Variants in BRCA2 observed in about 807,000 individuals in gnomAD.
The protein encoded by BRCA2 is breast cancer type 2 susceptibility protein.
Under a neutral mutation model 276.7 loss-of-function variants are expected in BRCA2, and 203 were observed. That is an observed-to-expected ratio of 0.73 (90% confidence interval 0.65 to 0.82). The LOEUF (loss-of-function observed/expected upper bound fraction) is 0.82. Ranked by LOEUF, BRCA2 falls within the 40% of genes least tolerant of loss-of-function variation. BRCA2 has a pLI of 0.00. For synonymous variants in BRCA2, 1,289 were observed against 1,338.4 expected (o/e 0.96, Z 0.81); for missense variants, 3,920 against 3,915.0 (o/e 1.00, Z -0.03).
intron 8 of BRCA2, 90 bp from the exon 9 acceptor site, chr13:32,330,829 C>G (rs1028898625): frequency 1.1e-5 from 9 of 826,972 alleles, no homozygotes; most frequent in Non-Finnish European, 1.6e-5. Flanking sequence ...ACTGAAATCA[C>G]CAAAAGTGAA....
chr13:32,363,434 A>G lies in BRCA2; in HGVS notation c.8232A>G (p.Arg2744=). The G allele has an allele frequency of 6.2e-7, 1 of 1,614,186 alleles. No individual in the cohort carries two copies. Among genetic ancestry groups the G allele is most frequent in the Non-Finnish European group, 8.5e-7 (1 of 1,180,024 alleles). ...TCTTAGCTGTCTTAAAGAATGGCAG[A>G]CTGACAGTTGGTCAGAAGATTATTC... ...PPLLAVLKNG[R]LTVGQKIILH... The change falls in exon 18 of 27, where the codon AGA becomes AGG. Residue 2744 remains arginine, a synonymous_variant. Transcript: ENST00000380152.
At position 32,325,548 on chromosome 13, in the gene BRCA2, G is replaced by T. The variant is rs201799414; in HGVS notation, c.425+364G>T. The stretch of plus-strand genomic sequence containing the variant: ...GATTTACTTTACAAATTTTTTTTTT[G>T]TTTTTTTTTTTTTTGAGATGGAGTC... On this transcript the variant is annotated intron_variant, in intron 4 of 26. Coordinates refer to ENST00000380152, the MANE Select transcript of BRCA2 (RefSeq NM_000059.4). Among the ~76,000 whole-genome samples the T allele has an allele frequency of 4.7e-3, 632 of 135,890 alleles. 1 individual carries two copies. Among genetic ancestry groups the T allele is most frequent in the Non-Finnish European group, 6.5e-3 (406 of 62,296 alleles). The allele number at this position is 135,890 out of a possible 152,430, so 89.1% of individuals were successfully genotyped here.
At position 32,374,128 on chromosome 13, in the gene BRCA2, A is replaced by G. The variant is rs11571753; in HGVS notation, c.8633-2542A>G. Among the ~76,000 whole-genome samples the G allele has an allele frequency of 7.2e-3, 1,099 of 152,354 alleles. 16 individuals are homozygous for G. Among genetic ancestry groups the G allele is most frequent in the African/African-American group, 0.025 (1,043 of 41,590 alleles). ...TGGAGCAAGTGGGACACAGGTTGCC[A>G]TGTCCCATGGCTGCACAGAGCAGTG... On this transcript the variant is annotated intron_variant, in intron 20 of 26. Coordinates refer to ENST00000380152, the MANE Select transcript of BRCA2 (RefSeq NM_000059.4).
chr13:32,396,489 G>A (rs1030067107), intron 25 of BRCA2, among the ~76,000 whole-genome samples: 2 of 152,208 alleles, frequency 1.3e-5, no homozygotes, highest in African/African-American at 4.8e-5. Flanking sequence ...ACGTGAGGTA[G>A]GTGAGGCAAT....
At chr13:32,325,676 G>T (rs1242866437) in intron 4 of BRCA2, among the ~76,000 whole-genome samples, 2 of 151,850 alleles carry the variant, frequency 1.3e-5, no homozygotes, top group Non-Finnish European at 2.9e-5. Context: ...AAGTAGCTGG[G>T]ACTACAGGCG....
rs80358888 is a variant in BRCA2 at position 32,340,923 on chromosome 13, G to T, written c.6568G>T (p.Val2190Leu). 5 of 1,610,068 alleles carry T rather than the reference G, an allele frequency of 3.1e-6. No homozygotes were observed. The highest frequency in any genetic ancestry group is 2.7e-5 in the African/African-American group (2 of 74,602). Residue 2190 changes from valine (V) to leucine (L), a missense_variant, in exon 11 of 27, where the codon GTA becomes TTA. This residue lies in a region of BRCA2 where 3,263 missense variants were observed against 3,156.9 expected (regional missense o/e 1.03). Coordinates refer to ENST00000380152, the MANE Select transcript of BRCA2 (RefSeq NM_000059.4). ...LGKEQASPKN[V>L]KMEIGKTETF... ...AAAAGAACAGGCTTCACCTAAAAAC[G>T]TAAAAATGGAAATTGGTAAAACTGA...
rs2072463871 is a variant in BRCA2 at position 32,337,102 on chromosome 13, G to A, written c.2747G>A (p.Cys916Tyr). 1 of 1,613,708 alleles carries A rather than the reference G, an allele frequency of 6.2e-7. No individual in the cohort carries two copies. Residue 916 changes from cysteine (C) to tyrosine (Y), a missense_variant, in exon 11 of 27, where the codon TGT (cysteine) becomes TAT (tyrosine). Cys to Tyr is a radical substitution (Grantham distance 194). Transcript: ENST00000380152. ...TKELHETDLT[C>Y]VNEPIFKNST... ...GAACTTCATGAAACAGACTTGACTT[G>A]TGTAAACGAACCCATTTTCAAGAAC...
At chr13:32,348,842 A>G (rs557700737) in intron 13 of BRCA2, among the ~76,000 whole-genome samples, 38 of 152,222 alleles carry the variant, frequency 2.5e-4, no homozygotes, top group Admixed American at 5.9e-4. Flanking sequence ...ACTGAAGAAG[A>G]TAAGAGACTT....
chr13:32,390,317 C>T (rs1252596157), intron 24 of BRCA2, among the ~76,000 whole-genome samples: 1 of 152,058 alleles, frequency 6.6e-6, no homozygotes, highest in African/African-American at 2.4e-5. Context: ...TTAGGCTGGG[C>T]GCAGTAGCTA....
chr13:32,340,279 G>C lies in BRCA2; in HGVS notation c.5924G>C (p.Cys1975Ser), dbSNP rs767378196. 1 of 1,614,000 alleles carries C rather than the reference G, an allele frequency of 6.2e-7. No homozygotes were observed. The highest frequency in any genetic ancestry group is 8.5e-7 in the Non-Finnish European group (1 of 1,179,908). ...AAGTCAGTCTCATCTGCAAATACTT[G>C]TGGGATTTTTAGCACAGCAAGTGGA... The part of the protein sequence containing the change: ...LHKSVSSANT[C>S]GIFSTASGKS... Residue 1975 changes from cysteine (C) to serine (S), a missense_variant, in exon 11 of 27, where the codon TGT becomes TCT. This residue lies in a region of BRCA2 where 3,263 missense variants were observed against 3,156.9 expected (regional missense o/e 1.03). Coordinates refer to ENST00000380152, the MANE Select transcript of BRCA2 (RefSeq NM_000059.4).
At position 32,337,222 on chromosome 13, in the gene BRCA2, A is replaced by G. The variant is rs761350030; in HGVS notation, c.2867A>G (p.Lys956Arg). 1 of 1,613,042 alleles carries G rather than the reference A, an allele frequency of 6.2e-7. No individual in the cohort carries two copies. The highest frequency in any genetic ancestry group is 1.1e-5 in the South Asian group (1 of 90,774). ...GTTTATGTTCTTGCAGAGGAGAACAAAAATAGTGTAAAGCAGCATATAAAA... is the reference window on the plus strand; with the variant it reads ...GTTTATGTTCTTGCAGAGGAGAACAGAAATAGTGTAAAGCAGCATATAAAA... ...DLVYVLAEEN[K>R]NSVKQHIKMT... The change falls in exon 11 of 27, where the codon AAA becomes AGA. Residue 956 changes from lysine (K) to arginine (R), a missense_variant. Physicochemically the swap from Lys to Arg is conservative, Grantham distance 26. This residue lies in a region of BRCA2 where 3,263 missense variants were observed against 3,156.9 expected (regional missense o/e 1.03). Coordinates refer to ENST00000380152, the MANE Select transcript of BRCA2 (RefSeq NM_000059.4).
intron 3 of BRCA2, 93 bp downstream of exon 3, chr13:32,319,418 C>T: frequency 7.8e-7 from 1 of 1,283,328 alleles, no homozygotes; most frequent in Non-Finnish European, 1.1e-6. Flanking sequence ...TTAATTGTGT[C>T]ATGCTGGGCA....
rs2137481575 is a variant in BRCA2, at chr13:32,336,239, T to C, written c.1910-26T>C. 8 of 1,588,274 alleles carry C rather than the reference T, an allele frequency of 5.0e-6. No individual in the cohort carries two copies. Among genetic ancestry groups the C allele is most frequent in the Non-Finnish European group, 6.8e-6 (8 of 1,169,808 alleles). Reference sequence around the variant, plus strand: ...GAATGTGATTGATGGTACTTTAATTTTGTCACTTTGTGTTTTTATGTTTAG... The same window carrying C: ...GAATGTGATTGATGGTACTTTAATTCTGTCACTTTGTGTTTTTATGTTTAG... On this transcript the variant is annotated intron_variant, in intron 10 of 26. Coordinates refer to ENST00000380152, the MANE Select transcript of BRCA2 (RefSeq NM_000059.4).
intron 24 of BRCA2, among the ~76,000 whole-genome samples, chr13:32,393,779 T>A (rs529891299): frequency 6.6e-6 from 1 of 152,316 alleles, no homozygotes; most frequent in East Asian, 1.9e-4. Flanking sequence ...CATTTTGGAT[T>A]CCCTCATGTC....
At chr13:32,388,666 C>CTTTTTTTTT (rs66813254) in intron 24 of BRCA2, among the ~76,000 whole-genome samples, 1 of 146,224 alleles carries the variant, frequency 6.8e-6, no homozygotes, top group African/African-American at 2.5e-5. Context: ...AATGCATTTT[C>CTTTTTTTTT]TTTTTTTTTT....
rs754317695 is a variant in BRCA2 at position 32,332,260 on chromosome 13, A to G, written c.794-12A>G. 1.9e-6 allele frequency: 3 copies of G among 1,585,406 alleles called. No individual in the cohort carries two copies. The highest frequency in any genetic ancestry group is 2.6e-6 in the Non-Finnish European group (3 of 1,159,474). ...TAAAATATTAATGTGCTTCTGTTTT[A>G]TACTTTAACAGGATTTGGAAAAACA... On this transcript the variant is annotated splice_polypyrimidine_tract_variant and intron_variant, in intron 9 of 26. Coordinates refer to ENST00000380152, the MANE Select transcript of BRCA2 (RefSeq NM_000059.4).
In BRCA2 at chr13:32,337,861, A is replaced by G. The variant is rs1194031580; in HGVS notation, c.3506A>G (p.Asn1169Ser). 6.2e-7 allele frequency: 1 copy of G among 1,614,106 alleles called. No homozygotes were observed. The highest frequency in any genetic ancestry group is 8.5e-7 in the Non-Finnish European group (1 of 1,179,984). Reference sequence around the variant, plus strand: ...GATGCTGATCTTCATGTCATAATGAATGCCCCATCGATTGGTCAGGTAGAC... The same window carrying G: ...GATGCTGATCTTCATGTCATAATGAGTGCCCCATCGATTGGTCAGGTAGAC... ...CRDADLHVIM[N>S]APSIGQVDSS... Residue 1169 changes from asparagine (N) to serine (S), a missense_variant, in exon 11 of 27, where the codon AAT becomes AGT. Physicochemically the swap from Asn to Ser is conservative, Grantham distance 46. Around this residue, in one of 2 missense-constraint regions of BRCA2, gnomAD observed 3,263 missense variants for 3,156.9 expected, o/e 1.03. Coordinates refer to ENST00000380152, the MANE Select transcript of BRCA2 (RefSeq NM_000059.4).
chr13:32,322,602 G>T (rs2072313700), intron 3 of BRCA2, among the ~76,000 whole-genome samples: 1 of 152,336 alleles, frequency 6.6e-6, no homozygotes, highest in South Asian at 2.1e-4. Context: ...TGGGCCAGGT[G>T]TTCCTTGCCC....
At position 32,362,642 on chromosome 13, in the gene BRCA2, T is replaced by C. The variant is rs1287337540; in HGVS notation, c.7925T>C (p.Phe2642Ser). Residue 2642 changes from phenylalanine (F) to serine (S), a missense_variant, in exon 17 of 27, where the codon TTT (phenylalanine) becomes TCT (serine). By Grantham distance (155) the Phe-to-Ser change is radical (BLOSUM62 -2). This residue lies in a region of BRCA2 where 3,263 missense variants were observed against 3,156.9 expected (regional missense o/e 1.03). Coordinates refer to ENST00000380152, the MANE Select transcript of BRCA2 (RefSeq NM_000059.4). ...AAMECAFPKE[F>S]ANRCLSPERV... ...ATGGAATGTGCCTTTCCTAAGGAAT[T>C]TGCTAATAGATGCCTAAGCCCAGAA... The C allele has an allele frequency of 6.2e-7, 1 of 1,614,210 alleles. No individual in the cohort carries two copies. Among genetic ancestry groups the C allele is most frequent in the Non-Finnish European group, 8.5e-7 (1 of 1,180,034 alleles).
Sources: allele counts gnomAD v4.1 joint callset (sites outside exome capture counted in the v4.1 genomes callset), GRCh38; gene constraint gnomAD v4.1.1; regional missense constraint gnomAD v4.1.1; transcripts MANE v1.5; gene names NCBI Gene and HGNC (gene_info 2026-07-23, HGNC 2026-07-21).